The following ANXA5 variants were observed in gnomAD, a reference collection of about 807,000 sequenced individuals.
The protein encoded by ANXA5 is CBP-I.
Under a neutral mutation model 48.1 loss-of-function variants are expected in ANXA5, and 40 were observed. That is an observed-to-expected ratio of 0.83 (90% CI 0.65 to 1.08). The LOEUF (loss-of-function observed/expected upper bound fraction) is 1.08. Among genes scored for constraint, ANXA5 ranks in the 50% least tolerant of loss-of-function variants. The pLI, the probability that ANXA5 is intolerant of heterozygous loss-of-function variation, is 0.00. For synonymous variants in ANXA5, 113 were observed against 129.1 expected (o/e 0.88, Z 0.85); for missense variants, 357 against 376.8 (o/e 0.95, Z 0.44).
At chr4:121,676,039 G>T (rs903370499) in intron 8 of ANXA5, among the ~76,000 whole-genome samples, 18 of 152,164 alleles carry the variant, frequency 1.2e-4, no homozygotes, top group African/African-American at 3.9e-4. Flanking sequence ...ACTAGAGTTG[G>T]TTTCTTACAC....
chr4:121,693,361 G>A (rs988111003), intron 2 of ANXA5, among the ~76,000 whole-genome samples: 4 of 152,004 alleles, frequency 2.6e-5, no homozygotes, highest in African/African-American at 9.7e-5. Flanking sequence ...GAAAGACTGC[G>A]TCTAAGAAGC....
chr4:121,679,260 T>C (rs763357765), intron 6 of ANXA5, among the ~76,000 whole-genome samples: 1 of 152,200 alleles, frequency 6.6e-6, no homozygotes, highest in Non-Finnish European at 1.5e-5. Context: ...TGTAGGAATC[T>C]TTAATTCTTT....
intron 2 of ANXA5, among the ~76,000 whole-genome samples, chr4:121,690,852 C>T (rs1041080317): frequency 5.9e-5 from 9 of 152,156 alleles, no homozygotes; most frequent in Non-Finnish European, 4.4e-5. Context: ...ACATTCCATA[C>T]AGTCAGAGTC....
intron 2 of ANXA5, among the ~76,000 whole-genome samples, chr4:121,689,268 G>T (rs1724941556): frequency 6.6e-6 from 1 of 152,140 alleles, no homozygotes; most frequent in Non-Finnish European, 1.5e-5. Context: ...CTTAATGTGA[G>T]AACTTAGGAC....
chr4:121,687,498 G>A (rs1578447413), intron 2 of ANXA5, among the ~76,000 whole-genome samples: 1 of 152,168 alleles, frequency 6.6e-6, no homozygotes, highest in South Asian at 2.1e-4. Flanking sequence ...TAAAAGGACT[G>A]TAAAGCTAGC....
chr4:121,672,583 T>C lies in ANXA5; in HGVS notation c.575A>G (p.Glu192Gly). Residue 192 changes from glutamate to glycine, a missense_variant, in exon 9 of 13, where the codon GAA (glutamate) becomes GGA (glycine). Physicochemically the swap from Glu to Gly is moderately conservative, Grantham distance 98 (BLOSUM62 -2). Transcript: ENST00000296511. ...AGELKWGTDE[E>G]KFITIFGTRS... Reference sequence around the variant, plus strand: ...TGTTCCAAAGATGGTGATAAACTTTTCTTCATCTGTCCCCCATTTAAGTTC... The same window carrying C: ...TGTTCCAAAGATGGTGATAAACTTTCCTTCATCTGTCCCCCATTTAAGTTC... 6.2e-7 allele frequency: 1 copy of C among 1,613,936 alleles called. No homozygotes were observed. The highest frequency in any genetic ancestry group is 2.2e-5 in the East Asian group (1 of 44,866).
chr4:121,682,726 T>C (rs1218145406), intron 5 of ANXA5, among the ~76,000 whole-genome samples: 4 of 152,126 alleles, frequency 2.6e-5, no homozygotes, highest in African/African-American at 9.7e-5. Flanking sequence ...TTGTTAAATC[T>C]CAATGTGCCC....
rs929153551 is a variant in ANXA5, at chr4:121,669,623, G to A, written c.882C>T (p.Thr294=). ...IRKEFRKNFA[T]SLYSMIKGDT... The stretch of plus-strand genomic sequence containing the variant: ...CTACCTTAATCATGGAATAAAGAGA[G>A]GTGGCAAAATTCTTCCTAAACTCCT... The change falls in exon 12 of 13, where the codon ACC becomes ACT. Residue 294 remains threonine, a synonymous_variant. Transcript: ENST00000296511. The A allele has an allele frequency of 1.9e-5, 31 of 1,613,232 alleles. No homozygotes were observed. Among genetic ancestry groups the A allele is most frequent in the Non-Finnish European group, 2.5e-5 (30 of 1,179,666 alleles).
intron 2 of ANXA5, among the ~76,000 whole-genome samples, chr4:121,692,211 G>T (rs1030300670): frequency 2.0e-5 from 3 of 152,204 alleles, no homozygotes; most frequent in African/African-American, 4.8e-5. Context: ...CATCACTGGA[G>T]AACAGACTAA....
chr4:121,678,337 G>A (rs1479778497), intron 7 of ANXA5, 78 bp downstream of exon 7: 15 of 1,141,240 alleles, frequency 1.3e-5, no homozygotes, highest in Non-Finnish European at 1.9e-5. Context: ...AGAATTTTAA[G>A]TGACCTTACT....
chr4:121,682,375 A>G (rs1171141129), intron 5 of ANXA5, among the ~76,000 whole-genome samples: 3 of 152,138 alleles, frequency 2.0e-5, no homozygotes, highest in Non-Finnish European at 4.4e-5. Flanking sequence ...TTTAAAAATC[A>G]CATCTATATG....
At chr4:121,669,843 T>C (rs1724583816) in intron 11 of ANXA5, 111 bp downstream of exon 11, 5 of 1,457,064 alleles carry the variant, frequency 3.4e-6, no homozygotes, top group East Asian at 2.3e-5. Context: ...CTGGGTTGAA[T>C]GTTATAAGGG....
intron 8 of ANXA5, among the ~76,000 whole-genome samples, chr4:121,676,061 A>G (rs553910811): frequency 6.6e-6 from 1 of 152,156 alleles, no homozygotes; most frequent in African/African-American, 2.4e-5. Flanking sequence ...GTGACCCTGA[A>G]AAGCTCCCAG....
rs550893504 is a variant in ANXA5, at chr4:121,674,671, T to C, written c.532-2045A>G. ...AATTATGTTTGGGATCAATATCTACTGTAAAACTATTATTAAGTAATCATA... is the reference window on the plus strand; with the variant it reads ...AATTATGTTTGGGATCAATATCTACCGTAAAACTATTATTAAGTAATCATA... On this transcript the variant is annotated intron_variant, in intron 8 of 12. Transcript: ENST00000296511. Among the ~76,000 whole-genome samples, 10 of 152,360 alleles carry C rather than the reference T, an allele frequency of 6.6e-5. 1 individual carries two copies. The East Asian group carries it at 9.6e-4, about 15-fold the overall frequency.
intron 3 of ANXA5, 104 bp downstream of exon 3, chr4:121,686,184 C>G (rs1724886347): frequency 1.1e-6 from 1 of 878,292 alleles, no homozygotes; most frequent in South Asian, 1.6e-5. Context: ...TCTTCTCCTA[C>G]AGATTTCAGA....
intron 12 of ANXA5, chr4:121,669,347 T>C (rs945194809): frequency 2.1e-5 from 8 of 388,802 alleles, no homozygotes; most frequent in Non-Finnish European, 3.7e-5. Flanking sequence ...GTTTGTTGAG[T>C]CATCTGTTAC....
chr4:121,674,517 ACACTTCTTAT>A (rs1224792927), intron 8 of ANXA5, among the ~76,000 whole-genome samples: 1 of 152,164 alleles, frequency 6.6e-6, no homozygotes, highest in African/African-American at 2.4e-5. Context: ...ATTGATGCAC[ACACTTCTTAT>A]CAACTGTTTT....
intron 6 of ANXA5, 191 bp downstream of exon 6, chr4:121,681,480 A>G (rs1411736847): frequency 2.1e-6 from 1 of 476,062 alleles, no homozygotes; most frequent in African/African-American, 2.0e-5. Context: ...TGAAAATAGT[A>G]GAGGATAACA....
intron 2 of ANXA5, among the ~76,000 whole-genome samples, chr4:121,686,742 T>C (rs983329635): frequency 2.0e-5 from 3 of 152,190 alleles, no homozygotes; most frequent in African/African-American, 7.2e-5. Flanking sequence ...TAAATCTTAA[T>C]ACCCTATCCT....
Sources: gnomAD v4.1 joint callset for allele counts (sites outside exome capture counted in the v4.1 genomes callset) on GRCh38, gnomAD v4.1.1 for gene constraint, MANE v1.5 for transcripts, NCBI Gene and HGNC (gene_info 2026-07-23, HGNC 2026-07-21) for gene names.